Variants in TNC observed in about 807,000 individuals in gnomAD.
The protein encoded by TNC is tenascin C, also known as tenascin.
TNC carries 109 observed loss-of-function variants against 202.4 expected under a neutral mutation model. The observed-to-expected ratio is 0.54, with a 90% confidence interval of 0.46 to 0.63. TNC has a LOEUF of 0.63. TNC is among the 30% of genes least tolerant of loss of function. TNC has a pLI of 0.00. For synonymous variants in TNC, 1,007 were observed against 1,089.7 expected (o/e 0.92, Z 1.50); for missense variants, 2,756 against 2,833.3 (o/e 0.97, Z 0.62).
In TNC at chr9:115,081,965, G is replaced by T. The variant is rs147456625; in HGVS notation, c.2248-37C>A. The T allele has an allele frequency of 3.2e-5, 50 of 1,543,582 alleles. No homozygotes were observed. In the East Asian group the frequency reaches 1.1e-3, roughly 35 times the overall value. On this transcript the variant is annotated intron_variant, in intron 5 of 27. Transcript: ENST00000350763. ...AGGCAGCTTGGTAAGAGTTAGGGGAGGTGCCAGTCTCTTAATTTATGTGAT... is the reference window on the plus strand; with the variant it reads ...AGGCAGCTTGGTAAGAGTTAGGGGATGTGCCAGTCTCTTAATTTATGTGAT...
At chr9:115,077,875 C>A in intron 7 of TNC, 68 bp downstream of exon 7, 4 of 1,519,860 alleles carry the variant, frequency 2.6e-6, no homozygotes, top group South Asian at 1.2e-5. Flanking sequence ...GATACCCCAA[C>A]ATGGAGTGGG....
At chr9:115,066,264 G>C (rs1832944383) in intron 10 of TNC, among the ~76,000 whole-genome samples, 1 of 152,198 alleles carries the variant, frequency 6.6e-6, no homozygotes, top group Non-Finnish European at 1.5e-5. Context: ...TTTGCCCAGG[G>C]CTGAGCTTAA....
At chr9:115,091,443 G>C (rs570934536) in intron 1 of TNC, among the ~76,000 whole-genome samples, 2 of 152,294 alleles carry the variant, frequency 1.3e-5, no homozygotes, top group Non-Finnish European at 2.9e-5. Flanking sequence ...CTTGGCTGTA[G>C]CTCTGGTCCC....
chr9:115,091,587 T>A (rs905387841), intron 1 of TNC, among the ~76,000 whole-genome samples: 2 of 152,250 alleles, frequency 1.3e-5, no homozygotes, highest in African/African-American at 4.8e-5. Context: ...GTATTTACTA[T>A]GTCTTCTGAG....
chr9:115,092,760 T>C (rs995569062), intron 1 of TNC, among the ~76,000 whole-genome samples: 1 of 151,476 alleles, frequency 6.6e-6, no homozygotes, highest in African/African-American at 2.4e-5. Context: ...TTTTTTTTTT[T>C]TTTTTAGTAG....
chr9:115,056,239 T>C (rs752213001), intron 15 of TNC, among the ~76,000 whole-genome samples: 1 of 152,200 alleles, frequency 6.6e-6, no homozygotes, highest in Admixed American at 6.5e-5. Flanking sequence ...TCATTTCTCC[T>C]GTGTTTGTTC....
At chr9:115,082,345 A>T (rs1834366362) in intron 5 of TNC, among the ~76,000 whole-genome samples, 1 of 152,156 alleles carries the variant, frequency 6.6e-6, no homozygotes, top group South Asian at 2.1e-4. Flanking sequence ...GGGCCTGGAG[A>T]GAAGGGTTGC....
chr9:115,100,813 T>C (rs1836171283), intron 1 of TNC, among the ~76,000 whole-genome samples: 1 of 152,228 alleles, frequency 6.6e-6, no homozygotes, highest in African/African-American at 2.4e-5. Flanking sequence ...TCACAATGTA[T>C]ACATATATTA....
At chr9:115,042,553 A>G (rs1830844521) in intron 17 of TNC, among the ~76,000 whole-genome samples, 1 of 152,174 alleles carries the variant, frequency 6.6e-6, no homozygotes, top group African/African-American at 2.4e-5. Flanking sequence ...GGGTTGTAGA[A>G]AAGTCATTTG....
intron 27 of TNC, 134 bp from the exon 28 acceptor site, chr9:115,021,401 T>C (rs1336328836): frequency 1.6e-6 from 1 of 639,962 alleles, no homozygotes; most frequent in South Asian, 2.0e-5. Flanking sequence ...TTTGACCATT[T>C]GGTATATCAC....
chr9:115,042,423 A>G (rs1830836556), intron 17 of TNC, 82 bp from the exon 18 acceptor site: 4 of 1,556,922 alleles, frequency 2.6e-6, no homozygotes, highest in Non-Finnish European at 3.5e-6. Context: ...TTCCTTATTT[A>G]GGAAAACTCA....
At chr9:115,074,699 G>A (rs780351853) in intron 9 of TNC, among the ~76,000 whole-genome samples, 31 of 152,170 alleles carry the variant, frequency 2.0e-4, no homozygotes, top group Non-Finnish European at 3.2e-4. Context: ...GGCTGCAAAG[G>A]GTAGCATGTG....
chr9:115,044,539 A>T (rs1037508256), intron 17 of TNC, among the ~76,000 whole-genome samples: 16 of 151,778 alleles, frequency 1.1e-4, no homozygotes, highest in Non-Finnish European at 1.6e-4. Context: ...TGTTGTTCTT[A>T]AAAAAAATTC....
intron 10 of TNC, among the ~76,000 whole-genome samples, chr9:115,072,554 T>A (rs924397572): frequency 6.6e-6 from 1 of 152,248 alleles, no homozygotes; most frequent in African/African-American, 2.4e-5. Flanking sequence ...TCAACTGGAA[T>A]AACATCCCTT....
intron 1 of TNC, among the ~76,000 whole-genome samples, chr9:115,110,426 G>A: frequency 6.8e-6 from 1 of 147,834 alleles, no homozygotes; most frequent in South Asian, 2.1e-4. Context: ...GGGTTGCTGG[G>A]GGCCAGTGGG....
intron 6 of TNC, among the ~76,000 whole-genome samples, chr9:115,081,053 G>T (rs1273496472): frequency 6.6e-6 from 1 of 152,102 alleles, no homozygotes; most frequent in Admixed American, 6.5e-5. Context: ...TGAAGAGATG[G>T]AATCAACATT....
At chr9:115,092,450 T>G (rs1835301131) in intron 1 of TNC, among the ~76,000 whole-genome samples, 1 of 152,186 alleles carries the variant, frequency 6.6e-6, no homozygotes, top group South Asian at 2.1e-4. Flanking sequence ...GTTATAATAT[T>G]TACTAAAACA....
At position 115,056,720 on chromosome 9, in the gene TNC, T is replaced by G. The variant is rs1009386299; in HGVS notation, c.4579+433A>C. 5.3e-5 allele frequency among the ~76,000 whole-genome samples: 8 copies of G among 152,136 alleles called. 1 individual carries two copies. The highest frequency in any genetic ancestry group is 2.6e-4 in the Admixed American group (4 of 15,280). ...ACCATCAACATGATTATTAAATCACTGGGATATTTGGGTATTGCGAGGTCC... is the reference window on the plus strand; with the variant it reads ...ACCATCAACATGATTATTAAATCACGGGGATATTTGGGTATTGCGAGGTCC... On this transcript the variant is annotated intron_variant, in intron 15 of 27. Transcript: ENST00000350763.
intron 10 of TNC, among the ~76,000 whole-genome samples, chr9:115,065,576 C>A (rs1315553324): frequency 1.3e-5 from 2 of 152,126 alleles, no homozygotes; most frequent in African/African-American, 2.4e-5. Context: ...GGGTGGCCCT[C>A]AGTTATTCTG....
Sources: gnomAD v4.1 joint callset for allele counts (sites outside exome capture counted in the v4.1 genomes callset) on GRCh38, gnomAD v4.1.1 for gene constraint, MANE v1.5 for transcripts, NCBI Gene and HGNC (gene_info 2026-07-23, HGNC 2026-07-21) for gene names.